Variants in CHCHD6 observed in about 807,000 individuals in gnomAD.
CHCHD6 encodes the protein MICOS complex subunit MIC25.
In CHCHD6, 28 loss-of-function variants were observed where a neutral mutation model predicts 32.3. That is an observed-to-expected ratio of 0.87 (90% confidence interval 0.64 to 1.19). The LOEUF (loss-of-function observed/expected upper bound fraction) is 1.19. CHCHD6 is among the 50% of genes most tolerant of loss of function. CHCHD6 has a pLI of 0.00. For synonymous variants in CHCHD6, 122 were observed against 117.5 expected (o/e 1.04, Z -0.25); for missense variants, 333 against 307.0 (o/e 1.08, Z -0.63).
chr3:126,915,051 G>C (rs1181824897), intron 6 of CHCHD6, among the ~76,000 whole-genome samples: 1 of 152,256 alleles, frequency 6.6e-6, no homozygotes, highest in Non-Finnish European at 1.5e-5. Flanking sequence ...TGTGTGGCTA[G>C]CTGAGGAGCT....
chr3:126,893,161 T>G (rs2077789402), intron 5 of CHCHD6, among the ~76,000 whole-genome samples: 1 of 151,746 alleles, frequency 6.6e-6, no homozygotes, highest in African/African-American at 2.4e-5. Context: ...AGAGATGGGG[T>G]TTTGCCAAGC....
chr3:126,733,387 A>ACTGGGGTTCTCCCAGCCCTGGCTCGTTC (rs1319820635), intron 4 of CHCHD6, among the ~76,000 whole-genome samples, 165 bp downstream of exon 4: 8 of 152,140 alleles, frequency 5.3e-5, no homozygotes, highest in African/African-American at 1.9e-4. Context: ...GGAGCCAGGA[A>ACTGGGGTTCTCCCAGCCCTGGCTCGTTC]CTGGGGTTCT....
At position 126,933,598 on chromosome 3, in the gene CHCHD6, T is replaced by C. The variant is rs115520935; in HGVS notation, c.566+18848T>C. 9.8e-3 allele frequency among the ~76,000 whole-genome samples: 1,487 copies of C among 152,218 alleles called. 26 individuals are homozygous for C. The highest frequency in any genetic ancestry group is 0.034 in the African/African-American group (1,399 of 41,520). Reference sequence around the variant, plus strand: ...AGACAGAGCAAGAGAGATGCCAGGCTCTTTTAAATAATCAACTCTCATTAT... The same window carrying C: ...AGACAGAGCAAGAGAGATGCCAGGCCCTTTTAAATAATCAACTCTCATTAT... On this transcript the variant is annotated intron_variant, in intron 6 of 7. Coordinates refer to ENST00000290913, the MANE Select transcript of CHCHD6 (RefSeq NM_032343.3).
In CHCHD6 at chr3:126,876,204, A is replaced by G. The variant is rs183668689; in HGVS notation, c.495+23474A>G. ...TAGTGGGCAAAGGTGCTTGCTGCAG[A>G]AGACTGCTTTCTAATCACATATTCA... On this transcript the variant is annotated intron_variant, in intron 5 of 7. Transcript: ENST00000290913. 3.4e-3 allele frequency among the ~76,000 whole-genome samples: 512 copies of G among 152,348 alleles called. 5 individuals are homozygous for G. Among genetic ancestry groups the G allele is most frequent in the African/African-American group, 0.011 (474 of 41,574 alleles).
intron 6 of CHCHD6, among the ~76,000 whole-genome samples, chr3:126,920,635 C>G (rs544250358): frequency 2.6e-5 from 4 of 152,358 alleles, no homozygotes; most frequent in African/African-American, 9.6e-5. Flanking sequence ...TGAGTATTGT[C>G]TCACTGCTTT....
chr3:126,800,140 T>C (rs1170444499), intron 4 of CHCHD6, among the ~76,000 whole-genome samples: 1 of 152,212 alleles, frequency 6.6e-6, no homozygotes, highest in South Asian at 2.1e-4. Context: ...TCAACTCATA[T>C]GCACATTTAA....
intron 4 of CHCHD6, among the ~76,000 whole-genome samples, chr3:126,779,989 G>A (rs976960867): frequency 6.6e-6 from 1 of 152,190 alleles, no homozygotes; most frequent in Non-Finnish European, 1.5e-5. Context: ...AAATGTGAGA[G>A]AATATTCCTT....
chr3:126,763,922 A>G (rs944270758), intron 4 of CHCHD6, among the ~76,000 whole-genome samples: 3 of 152,126 alleles, frequency 2.0e-5, no homozygotes, highest in Non-Finnish European at 4.4e-5. Context: ...GGATGTACAT[A>G]ATGCTGAAAT....
At chr3:126,886,841 G>C (rs2077686388) in intron 5 of CHCHD6, among the ~76,000 whole-genome samples, 1 of 152,124 alleles carries the variant, frequency 6.6e-6, no homozygotes. Flanking sequence ...CCTGTCAGAT[G>C]GGATTCAGCC....
At chr3:126,908,150 G>A (rs1002197069) in intron 5 of CHCHD6, among the ~76,000 whole-genome samples, 1 of 152,238 alleles carries the variant, frequency 6.6e-6, no homozygotes, top group Non-Finnish European at 1.5e-5. Context: ...ATCACTGTTT[G>A]ATTGGAGTTT....
At chr3:126,773,371 C>T (rs576961164) in intron 4 of CHCHD6, among the ~76,000 whole-genome samples, 12 of 152,242 alleles carry the variant, frequency 7.9e-5, no homozygotes, top group Admixed American at 2.6e-4. Context: ...CAATAATTTA[C>T]GAGTAATACC....
intron 4 of CHCHD6, among the ~76,000 whole-genome samples, chr3:126,754,590 C>G (rs1310928516): frequency 6.6e-6 from 1 of 152,202 alleles, no homozygotes; most frequent in African/African-American, 2.4e-5. Flanking sequence ...TCTTTCTTTT[C>G]CTCTCCAAAG....
intron 4 of CHCHD6, among the ~76,000 whole-genome samples, chr3:126,801,724 C>T (rs997314238): frequency 6.6e-6 from 1 of 152,124 alleles, no homozygotes; most frequent in Non-Finnish European, 1.5e-5. Context: ...TCTCCCAGCA[C>T]GCAGCTGGAG....
chr3:126,733,180 C>T lies in CHCHD6; in HGVS notation c.369C>T (p.Gly123=), dbSNP rs778336980. 54 of 1,614,038 alleles carry T rather than the reference C, an allele frequency of 3.3e-5. No individual in the cohort carries two copies. The highest frequency in any genetic ancestry group is 3.3e-4 in the East Asian group (15 of 44,892). Reference sequence around the variant, plus strand: ...ACTCCAAGGCATCCCTGCCCACGGGCGAAGGCAGCATCAGCCATGAGGAGC... The same window carrying T: ...ACTCCAAGGCATCCCTGCCCACGGGTGAAGGCAGCATCAGCCATGAGGAGC... ...TKHSKASLPT[G]EGSISHEEQK... Residue 123 remains glycine (G), a synonymous_variant, in exon 4 of 8, where the codon GGC becomes GGT. Coordinates refer to ENST00000290913, the MANE Select transcript of CHCHD6 (RefSeq NM_032343.3).
intron 4 of CHCHD6, among the ~76,000 whole-genome samples, chr3:126,748,344 C>T (rs1398753706): frequency 6.6e-6 from 1 of 152,164 alleles, no homozygotes; most frequent in African/African-American, 2.4e-5. Context: ...CCTGTAATCC[C>T]AGCACTTTGG....
chr3:126,730,740 A>G (rs764604508), intron 3 of CHCHD6, 110 bp downstream of exon 3: 2 of 842,020 alleles, frequency 2.4e-6, no homozygotes, highest in Non-Finnish European at 3.8e-6. Context: ...GTCTCACATA[A>G]TTAATCTCAG....
intron 4 of CHCHD6, among the ~76,000 whole-genome samples, chr3:126,851,072 C>T (rs1400683889): frequency 6.6e-6 from 1 of 152,182 alleles, no homozygotes; most frequent in Admixed American, 6.5e-5. Flanking sequence ...CTTGCTCAGG[C>T]TTCCTAGAGG....
chr3:126,946,149 A>C (rs954983085), intron 6 of CHCHD6, among the ~76,000 whole-genome samples: 1 of 152,086 alleles, frequency 6.6e-6, no homozygotes, highest in African/African-American at 2.4e-5. Context: ...TCTCATTGGC[A>C]GAAACAGCGC....
At chr3:126,886,998 A>G (rs2077688266) in intron 5 of CHCHD6, among the ~76,000 whole-genome samples, 2 of 152,024 alleles carry the variant, frequency 1.3e-5, no homozygotes, top group African/African-American at 4.8e-5. Context: ...CTAGGCTGCT[A>G]CCTAGCACTG....
Sources: allele counts gnomAD v4.1 joint callset (sites outside exome capture counted in the v4.1 genomes callset), GRCh38; gene constraint gnomAD v4.1.1; transcripts MANE v1.5; gene names NCBI Gene and HGNC (gene_info 2026-07-23, HGNC 2026-07-21).